Variants in WNT7A observed in about 807,000 individuals in gnomAD.
The protein encoded by WNT7A is protein Wnt-7a.
In WNT7A, 16 loss-of-function variants were observed where a neutral mutation model predicts 28.2. That is an observed-to-expected ratio of 0.57 (90% CI 0.38 to 0.86). WNT7A has a LOEUF of 0.86. Among genes scored for constraint, WNT7A ranks in the 40% least tolerant of loss-of-function variants. The probability of loss-of-function intolerance (pLI) is 0.00; values close to 1 mark genes in which losing one functional copy is unlikely to be tolerated. For synonymous variants in WNT7A, 190 were observed against 195.9 expected (o/e 0.97, Z 0.25); for missense variants, 411 against 489.7 (o/e 0.84, Z 1.52).
At chr3:13,849,251 T>C (rs1249664102) in intron 3 of WNT7A, among the ~76,000 whole-genome samples, 3 of 152,234 alleles carry the variant, frequency 2.0e-5, no homozygotes, top group Admixed American at 6.5e-5. Context: ...CAAGATCTCT[T>C]CATATTCCAC....
At chr3:13,832,323 C>T (rs1352531848) in intron 3 of WNT7A, among the ~76,000 whole-genome samples, 1 of 150,086 alleles carries the variant, frequency 6.7e-6, no homozygotes, top group African/African-American at 2.5e-5. Flanking sequence ...CTCCTTCTTC[C>T]CAAGCTTCTC....
chr3:13,832,294 C>T (rs1434145131), intron 3 of WNT7A, among the ~76,000 whole-genome samples: 1 of 150,194 alleles, frequency 6.7e-6, no homozygotes, highest in Non-Finnish European at 1.5e-5. Flanking sequence ...TCTGCAGGCT[C>T]CTCCTCCTCT....
At chr3:13,851,685 G>C (rs1426059448) in intron 3 of WNT7A, among the ~76,000 whole-genome samples, 1 of 152,092 alleles carries the variant, frequency 6.6e-6, no homozygotes, top group Non-Finnish European at 1.5e-5. Flanking sequence ...ATTTCCTTGC[G>C]GCCAAAAGGC....
rs1460893648 is a variant in WNT7A at position 13,818,858 on chromosome 3, A to C, written c.*86T>G. ...CCTCAGCAGAAAAGACAAGCTCAGC[A>C]TCCTGCCAGGGAGCCCGCAGCTTGG... On this transcript the variant is annotated 3_prime_UTR_variant, in exon 4 of 4. Coordinates refer to ENST00000285018, the MANE Select transcript of WNT7A (RefSeq NM_004625.4). 2.0e-6 allele frequency: 3 copies of C among 1,488,924 alleles called. No individual in the cohort carries two copies. The highest frequency in any genetic ancestry group is 1.4e-5 in the African/African-American group (1 of 71,334). 92.2% of individuals were successfully genotyped at this position (1,488,924 alleles called of 1,614,324 possible).
At chr3:13,826,805 T>C (rs1229263244) in intron 3 of WNT7A, among the ~76,000 whole-genome samples, 1 of 152,120 alleles carries the variant, frequency 6.6e-6, no homozygotes, top group East Asian at 1.9e-4. Flanking sequence ...CTGAGAAAGA[T>C]TGAAATTGAC....
chr3:13,822,827 T>C (rs1406021401), intron 3 of WNT7A, among the ~76,000 whole-genome samples: 5 of 152,218 alleles, frequency 3.3e-5, no homozygotes, highest in Admixed American at 2.6e-4. Context: ...TGTGTGATAC[T>C]GAGGGCTACT....
intron 2 of WNT7A, among the ~76,000 whole-genome samples, chr3:13,865,083 C>T (rs1315702485): frequency 2.0e-5 from 3 of 152,154 alleles, no homozygotes; most frequent in Non-Finnish European, 4.4e-5. Flanking sequence ...TGAGGGTCTC[C>T]AGGGTGATAT....
At chr3:13,836,236 T>C (rs1694366435) in intron 3 of WNT7A, among the ~76,000 whole-genome samples, 1 of 150,506 alleles carries the variant, frequency 6.6e-6, no homozygotes, top group African/African-American at 2.4e-5. Flanking sequence ...GAGACCCCAT[T>C]GGGCCAGTGT....
intron 2 of WNT7A, among the ~76,000 whole-genome samples, chr3:13,863,187 C>T (rs781021626): frequency 6.6e-6 from 1 of 152,144 alleles, no homozygotes; most frequent in Non-Finnish European, 1.5e-5. Context: ...TTGGTTAGCA[C>T]CTTATCCATC....
intron 2 of WNT7A, among the ~76,000 whole-genome samples, chr3:13,871,235 A>T (rs1695021913): frequency 6.6e-6 from 1 of 152,218 alleles, no homozygotes; most frequent in Admixed American, 6.5e-5. Context: ...TAATGGCCAC[A>T]GCTCCAAAGG....
At chr3:13,864,481 G>A (rs557259406) in intron 2 of WNT7A, among the ~76,000 whole-genome samples, 3 of 152,018 alleles carry the variant, frequency 2.0e-5, no homozygotes, top group African/African-American at 4.8e-5. Context: ...CCTACTTCAG[G>A]TGACCCATGT....
At chr3:13,825,485 T>TA (rs1694178954) in intron 3 of WNT7A, among the ~76,000 whole-genome samples, 1 of 152,246 alleles carries the variant, frequency 6.6e-6, no homozygotes, top group South Asian at 2.1e-4. Flanking sequence ...AAAGCCCTGT[T>TA]ACGTAGTGTT....
chr3:13,849,640 T>G lies in WNT7A; in HGVS notation c.570+4892A>C, dbSNP rs1046821704. The stretch of plus-strand genomic sequence containing the variant: ...ATAAAGACACAAAGAGCTGTGCAAA[T>G]GAGATCATTCTGTGCGGTGGTTTCA... On this transcript the variant is annotated intron_variant, in intron 3 of 3. Coordinates refer to ENST00000285018, the MANE Select transcript of WNT7A (RefSeq NM_004625.4). Among the ~76,000 whole-genome samples, 3 of 151,874 alleles carry G rather than the reference T, an allele frequency of 2.0e-5. No homozygotes were observed. The East Asian group carries it at 5.8e-4, about 29-fold the overall frequency.
chr3:13,838,669 A>G (rs1694408306), intron 3 of WNT7A, among the ~76,000 whole-genome samples: 1 of 152,224 alleles, frequency 6.6e-6, no homozygotes, highest in African/African-American at 2.4e-5. Context: ...GTTTTGCAGG[A>G]CTGCTCTGGA....
At chr3:13,877,818 C>T (rs9874850) in intron 1 of WNT7A, among the ~76,000 whole-genome samples, 29,837 of 152,068 alleles carry the variant, frequency 0.2, 3,509 homozygotes, top group African/African-American at 0.33. Context: ...TTATCGTTAT[C>T]GGATCTGATT....
intron 3 of WNT7A, among the ~76,000 whole-genome samples, chr3:13,849,195 A>G (rs975866006): frequency 2.0e-5 from 3 of 152,184 alleles, no homozygotes; most frequent in Non-Finnish European, 4.4e-5. Flanking sequence ...CTCGTCCTAT[A>G]GTTTTGCAAG....
At chr3:13,831,124 G>C (rs1270274427) in intron 3 of WNT7A, among the ~76,000 whole-genome samples, 2 of 152,098 alleles carry the variant, frequency 1.3e-5, no homozygotes, top group Non-Finnish European at 2.9e-5. Context: ...ACAATTTCTC[G>C]GCCTAGGGCT....
intron 2 of WNT7A, among the ~76,000 whole-genome samples, chr3:13,859,769 A>T (rs1694799494): frequency 6.6e-6 from 1 of 152,240 alleles, no homozygotes; most frequent in Non-Finnish European, 1.5e-5. Flanking sequence ...GTCTCCACAG[A>T]CTGTGTGCCT....
chr3:13,866,295 T>C (rs1383611129), intron 2 of WNT7A, among the ~76,000 whole-genome samples: 1 of 152,172 alleles, frequency 6.6e-6, no homozygotes, highest in Non-Finnish European at 1.5e-5. Context: ...ACAGCTACGA[T>C]GTATGGGGCA....
Sources: gnomAD v4.1 joint callset for allele counts (sites outside exome capture counted in the v4.1 genomes callset) on GRCh38, gnomAD v4.1.1 for gene constraint, MANE v1.5 for transcripts, NCBI Gene and HGNC (gene_info 2026-07-23, HGNC 2026-07-21) for gene names.